The following LRP12 variants were observed in gnomAD, a reference collection of about 807,000 sequenced individuals.
The protein encoded by LRP12 is LDL receptor related protein 12.
In LRP12, 14 loss-of-function variants were observed where a neutral mutation model predicts 66.0. The ratio of observed to expected loss-of-function variants is 0.21; its 90% CI spans 0.14 to 0.33. The LOEUF (loss-of-function observed/expected upper bound fraction) is 0.33. LRP12 is among the 10% of genes least tolerant of loss of function. LRP12 has a pLI of 1.00. For synonymous variants in LRP12, 357 were observed against 359.1 expected, an observed-to-expected ratio of 0.99 and a Z score of 0.07; for missense variants, 889 against 1,053.4, an observed-to-expected ratio of 0.84 and a Z score of 2.16.
chr8:104,526,460 C>G (rs1042761071), intron 2 of LRP12, among the ~76,000 whole-genome samples: 53 of 151,202 alleles, frequency 3.5e-4, no homozygotes, highest in Non-Finnish European at 6.1e-4. Context: ...ACCAAAATAG[C>G]ATGGTACTGG....
intron 2 of LRP12, among the ~76,000 whole-genome samples, chr8:104,510,989 T>C (rs1301212935): frequency 1.3e-5 from 2 of 150,212 alleles, no homozygotes; most frequent in Admixed American, 6.7e-5. Flanking sequence ...ACCCAAGAGA[T>C]GGCCAAATAC....
chr8:104,498,226 T>C (rs1267645673), intron 4 of LRP12, 150 bp from the exon 5 acceptor site: 2 of 762,702 alleles, frequency 2.6e-6, no homozygotes, highest in Non-Finnish European at 4.1e-6. Context: ...TTTTTAATAT[T>C]TTAATTTTAA....
chr8:104,528,178 C>A (rs563334370), intron 2 of LRP12, among the ~76,000 whole-genome samples: 2 of 152,276 alleles, frequency 1.3e-5, no homozygotes, highest in Non-Finnish European at 2.9e-5. Flanking sequence ...CATCAATATA[C>A]TTTCCAAAGT....
chr8:104,588,999 G>T lies in LRP12; in HGVS notation c.-102C>A, dbSNP rs1289335862. 2 of 870,462 alleles carry T rather than the reference G, an allele frequency of 2.3e-6. No individual in the cohort carries two copies. Among genetic ancestry groups the T allele is most frequent in the East Asian group, 3.4e-5 (1 of 29,112 alleles). 53.9% of individuals were successfully genotyped at this position (870,462 alleles called of 1,614,324 possible). A position where few individuals can be genotyped will look rare whatever the true frequency, so the allele number is the denominator to read the frequency against. The stretch of plus-strand genomic sequence containing the variant: ...CGCCGCCGCCGCCGCCGCCGCCGCC[G>T]AGCCACCGGCTGCTCCCTGCGCTCT... On this transcript the variant is annotated 5_prime_UTR_variant, in exon 1 of 7. Coordinates refer to ENST00000276654, the MANE Select transcript of LRP12 (RefSeq NM_013437.5).
chr8:104,507,673 G>C (rs1221202730), intron 3 of LRP12: 1 of 152,134 alleles, frequency 6.6e-6, no homozygotes, highest in African/African-American at 2.4e-5. Flanking sequence ...CCCTGTTACA[G>C]AAAGATAACC....
chr8:104,588,941 GGA>G lies in LRP12; in HGVS notation c.-46_-45del. On this transcript the variant is annotated 5_prime_UTR_variant, in exon 1 of 7. Transcript: ENST00000276654. ...GAGAGAGGAGGAGACGGAGGAGGAG[GGA>G]GGAGAAGCTGGAGGTAGACGACGCC... The G allele has an allele frequency of 1.4e-6, 2 of 1,480,276 alleles. No individual in the cohort carries two copies. The highest frequency in any genetic ancestry group is 1.8e-6 in the Non-Finnish European group (2 of 1,088,416). The allele number at this position is 1,480,276 out of a possible 1,614,324, so 91.7% of individuals were successfully genotyped here.
Position 104,531,917 on chromosome 8 carries a change from T to G in LRP12, c.126A>C (p.Gly42=). Residue 42 remains glycine, a synonymous_variant, in exon 2 of 7, where the codon GGA becomes GGC. Transcript: ENST00000276654. ...CAAAAAATGACTTACCAGTTGACAC[T>G]CCTGAAATATGCACATTTTCAGAAT... is the stretch of plus-strand genomic sequence containing the variant. ...AEHSENVHIS[G]VSTACGETPE... The G allele has an allele frequency of 6.3e-7, 1 of 1,591,896 alleles. No individual in the cohort carries two copies. The highest frequency in any genetic ancestry group is 1.1e-5 in the South Asian group (1 of 87,134).
At chr8:104,554,063 A>G (rs541303915) in intron 1 of LRP12, among the ~76,000 whole-genome samples, 16 of 152,116 alleles carry the variant, frequency 1.1e-4, no homozygotes, top group Non-Finnish European at 1.6e-4. Context: ...CAGGAATACT[A>G]CGGGAAGGGA....
rs1307749307 is a variant in LRP12, at chr8:104,490,652, T to C, written c.*21A>G. 9 of 1,565,538 alleles carry C rather than the reference T, an allele frequency of 5.7e-6. No homozygotes were observed. The highest frequency in any genetic ancestry group is 7.8e-6 in the Non-Finnish European group (9 of 1,158,274). On this transcript the variant is annotated 3_prime_UTR_variant, in exon 7 of 7. Coordinates refer to ENST00000276654, the MANE Select transcript of LRP12 (RefSeq NM_013437.5). ...GGATATTGCTCCAACTTGTATACAA[T>C]CTCCCTTATGTGATTCGTACCTAAC...
At chr8:104,569,562 T>A (rs538634742) in intron 1 of LRP12, among the ~76,000 whole-genome samples, 1 of 152,198 alleles carries the variant, frequency 6.6e-6, no homozygotes, top group South Asian at 2.1e-4. Flanking sequence ...CATAATGACA[T>A]GAGTAGATAC....
At chr8:104,527,827 T>C (rs978532620) in intron 2 of LRP12, among the ~76,000 whole-genome samples, 2 of 151,950 alleles carry the variant, frequency 1.3e-5, no homozygotes, top group African/African-American at 4.8e-5. Context: ...AAACAAAGTA[T>C]AATAATAAAA....
intron 1 of LRP12, among the ~76,000 whole-genome samples, chr8:104,558,949 T>C (rs1811857532): frequency 6.6e-6 from 1 of 151,954 alleles, no homozygotes; most frequent in Non-Finnish European, 1.5e-5. Context: ...CAAGAAATCA[T>C]AAAATAACAG....
intron 1 of LRP12, among the ~76,000 whole-genome samples, chr8:104,569,068 C>G (rs1238292066): frequency 6.6e-6 from 1 of 151,734 alleles, no homozygotes; most frequent in African/African-American, 2.4e-5. Flanking sequence ...AATATCCATA[C>G]AATGGAATTT....
At chr8:104,529,902 C>A (rs1296395736) in intron 2 of LRP12, among the ~76,000 whole-genome samples, 4 of 152,124 alleles carry the variant, frequency 2.6e-5, no homozygotes, top group Non-Finnish European at 5.9e-5. Flanking sequence ...ATATTCCTTT[C>A]TTTTCCAATT....
Position 104,497,935 on chromosome 8 carries a change from G to A in LRP12, c.617C>T (p.Pro206Leu). 6.2e-7 allele frequency: 1 copy of A among 1,614,142 alleles called. No individual in the cohort carries two copies. The highest frequency in any genetic ancestry group is 8.5e-7 in the Non-Finnish European group (1 of 1,180,028). ...DEEICAKEAN[P>L]PTAAAFQPCA... is the part of the protein sequence containing the mutation. ...GGGTTGAAAAGCAGCAGCAGTTGGA[G>A]GATTTGCTTCTTTGGCACAGATCTC... is the stretch of plus-strand genomic sequence containing the variant. The change falls in exon 5 of 7, where the codon CCT becomes CTT. Residue 206 changes from proline (P) to leucine (L), a missense_variant. Pro to Leu is a moderately conservative substitution (Grantham distance 98). Transcript: ENST00000276654. This position sits in a 1 kb window ranked among gnomAD's most constrained non-coding sequence, Gnocchi z 4.3.
intron 1 of LRP12, among the ~76,000 whole-genome samples, chr8:104,583,688 T>C (rs577948494): frequency 2.0e-5 from 3 of 152,326 alleles, no homozygotes; most frequent in African/African-American, 7.2e-5. Context: ...AGGGTTAGGC[T>C]ACAATCCTGA....
At chr8:104,531,051 C>G (rs2140862029) in intron 2 of LRP12, among the ~76,000 whole-genome samples, 1 of 152,050 alleles carries the variant, frequency 6.6e-6, no homozygotes, top group East Asian at 1.9e-4. Flanking sequence ...AATACAAAGT[C>G]AGACATAAAA....
At position 104,490,731 on chromosome 8, in the gene LRP12, C is replaced by T; in HGVS notation, c.2522G>A (p.Cys841Tyr). 1 of 1,613,908 alleles carries T rather than the reference C, an allele frequency of 6.2e-7. No homozygotes were observed. The highest frequency in any genetic ancestry group is 1.3e-5 in the African/African-American group (1 of 75,020). ...IVHTAQIPDT[C>Y]LEVTLKNETS... ...TTCGTTTTTCAGTGTTACTTCTAAGCAAGTGTCTGGTATCTGGGCAGTGTG... is the reference window on the plus strand; with the variant it reads ...TTCGTTTTTCAGTGTTACTTCTAAGTAAGTGTCTGGTATCTGGGCAGTGTG... Residue 841 changes from cysteine (C) to tyrosine (Y), a missense_variant, in exon 7 of 7, where the codon TGC becomes TAC. Around this residue, in one of 3 missense-constraint regions of LRP12, gnomAD observed 800 missense variants for 964.5 expected, o/e 0.83. Transcript: ENST00000276654.
chr8:104,524,722 G>C (rs7832864), intron 2 of LRP12, among the ~76,000 whole-genome samples: 2,567 of 152,190 alleles, frequency 0.017, 70 homozygotes, highest in African/African-American at 0.058. Context: ...GGAAGGTAGG[G>C]TTAATGGGTG....
Sources: gnomAD v4.1 joint callset for allele counts (sites outside exome capture counted in the v4.1 genomes callset) on GRCh38, gnomAD v4.1.1 for gene constraint, gnomAD v4.1.1 regional missense constraint, Gnocchi (gnomAD v3.1) non-coding constraint, MANE v1.5 for transcripts, NCBI Gene and HGNC (gene_info 2026-07-23, HGNC 2026-07-21) for gene names.